CDIN1: variants seen among roughly 807,000 people sequenced by gnomAD.
CDIN1 encodes CDAN1-interacting nuclease 1.
In CDIN1, 33 loss-of-function variants were observed where a neutral mutation model predicts 45.3. The observed-to-expected ratio is 0.73, with a 90% CI of 0.55 to 0.97. The LOEUF is 0.97. Among genes scored for constraint, CDIN1 ranks in the 50% least tolerant of loss-of-function variants. The probability of loss-of-function intolerance (pLI) is 0.00; values close to 1 mark genes in which losing one functional copy is unlikely to be tolerated. For missense variants in CDIN1, 303 were observed against 339.4 expected, an observed-to-expected ratio of 0.89 and a Z score of 0.84; for synonymous variants, 118 against 124.4, an observed-to-expected ratio of 0.95 and a Z score of 0.34.
chr15:36,747,464 G>A (rs1472653281), intron 10 of CDIN1, among the ~76,000 whole-genome samples: 1 of 152,076 alleles, frequency 6.6e-6, no homozygotes, highest in East Asian at 1.9e-4. Context: ...CATTCATAAA[G>A]GTAAGTGTCT....
At chr15:36,745,851 A>C (rs2044404587) in intron 10 of CDIN1, among the ~76,000 whole-genome samples, 1 of 152,104 alleles carries the variant, frequency 6.6e-6, no homozygotes. Context: ...CTGTAATCCC[A>C]GCTACTCGGG....
At position 36,785,198 on chromosome 15, in the gene CDIN1, A is replaced by G. The variant is rs531239488; in HGVS notation, c.717-23126A>G. Among the ~76,000 whole-genome samples the G allele has an allele frequency of 7.9e-5, 12 of 152,358 alleles. No homozygotes were observed. The East Asian group carries it at 1.5e-3, about 20-fold the overall frequency. On this transcript the variant is annotated intron_variant, in intron 10 of 10. Coordinates refer to ENST00000566621, the MANE Select transcript of CDIN1 (RefSeq NM_001321759.2). ...ATTAAGCCAGCCAGGGGAAATATCTATAAGTCAATCACAAAATAGCTAAGG... is the reference window on the plus strand; with the variant it reads ...ATTAAGCCAGCCAGGGGAAATATCTGTAAGTCAATCACAAAATAGCTAAGG...
chr15:36,655,604 C>T (rs564891587), intron 4 of CDIN1, among the ~76,000 whole-genome samples: 3 of 152,142 alleles, frequency 2.0e-5, no homozygotes, highest in Non-Finnish European at 4.4e-5. Flanking sequence ...GGATTACAGG[C>T]GTGAGCCACC....
At chr15:36,713,030 G>A (rs1177621954) in intron 10 of CDIN1, among the ~76,000 whole-genome samples, 1 of 152,080 alleles carries the variant, frequency 6.6e-6, no homozygotes, top group Non-Finnish European at 1.5e-5. Context: ...CTATTACTAA[G>A]TATACTTTTA....
intron 10 of CDIN1, among the ~76,000 whole-genome samples, chr15:36,740,850 T>C (rs1269371233): frequency 1.3e-5 from 2 of 151,716 alleles, no homozygotes; most frequent in African/African-American, 2.4e-5. Flanking sequence ...GATCGCACCA[T>C]TGCTCTCCAG....
chr15:36,633,620 T>C (rs755390133), intron 1 of CDIN1, among the ~76,000 whole-genome samples: 1 of 152,192 alleles, frequency 6.6e-6, no homozygotes, highest in African/African-American at 2.4e-5. Context: ...TGTATTCTTC[T>C]TGAATTTTAA....
chr15:36,758,786 G>A (rs2053678579), intron 10 of CDIN1, among the ~76,000 whole-genome samples: 3 of 152,134 alleles, frequency 2.0e-5, no homozygotes, highest in Admixed American at 2.0e-4. Flanking sequence ...TGACCTTCAT[G>A]TGGAGAAAGA....
At chr15:36,618,162 G>C (rs2038986046) in intron 1 of CDIN1, 1 of 705,074 alleles carries the variant, frequency 1.4e-6, no homozygotes, top group Admixed American at 2.0e-5. Context: ...TCTTATAAAA[G>C]ACATGCTACT....
In CDIN1 at chr15:36,709,231, C is replaced by T; in HGVS notation, c.553C>T (p.Gln185Ter). Reference protein sequence around the residue: ...EKNLSFLDEDQLRAKGYDKTP... With the variant: ...EKNLSFLDED ...GTTTGTTCTTCCTGTAGATGAAGAT[C>T]AGCTTCGTGCAAAGGGTTATGACAA... is the stretch of plus-strand genomic sequence containing the variant. Residue 185 changes from glutamine (Q) to a stop codon, truncating the protein, a stop_gained, in exon 9 of 11, where the codon CAG becomes TAG. Coordinates refer to ENST00000566621, the MANE Select transcript of CDIN1 (RefSeq NM_001321759.2). LOFTEE classifies it high-confidence loss of function. 6.3e-7 allele frequency: 1 copy of T among 1,599,208 alleles called. No individual in the cohort carries two copies. The highest frequency in any genetic ancestry group is 8.5e-7 in the Non-Finnish European group (1 of 1,172,664).
At chr15:36,613,943 A>G in intron 1 of CDIN1, 3 of 1,552,786 alleles carry the variant, frequency 1.9e-6, no homozygotes, top group South Asian at 2.2e-5. Flanking sequence ...CGAGAGATGG[A>G]TGAGCAGATC....
chr15:36,700,929 T>G lies in CDIN1; in HGVS notation c.544+3539T>G, dbSNP rs112110629. On this transcript the variant is annotated intron_variant, in intron 8 of 10. Coordinates refer to ENST00000566621, the MANE Select transcript of CDIN1 (RefSeq NM_001321759.2). ...TCTCTACACAAAATTTTTTAAAATT[T>G]TGTGGTGGTAGGCACCTGTAGTACC... Among the ~76,000 whole-genome samples, 316 of 151,980 alleles carry G rather than the reference T, an allele frequency of 2.1e-3. 1 individual carries two copies. Among genetic ancestry groups the G allele is most frequent in the African/African-American group, 7.0e-3 (291 of 41,460 alleles).
At chr15:36,655,209 C>G (rs956805509) in intron 4 of CDIN1, among the ~76,000 whole-genome samples, 3 of 152,110 alleles carry the variant, frequency 2.0e-5, no homozygotes, top group Non-Finnish European at 4.4e-5. Context: ...AATGTCTACA[C>G]AATCAGATAG....
chr15:36,732,136 G>A (rs984102089), intron 10 of CDIN1, among the ~76,000 whole-genome samples: 2 of 152,112 alleles, frequency 1.3e-5, no homozygotes, highest in Non-Finnish European at 2.9e-5. Context: ...GACTTCCTTT[G>A]CCCCTCTATA....
intron 3 of CDIN1, among the ~76,000 whole-genome samples, chr15:36,647,303 G>A (rs1246031677): frequency 1.3e-5 from 2 of 152,108 alleles, no homozygotes; most frequent in South Asian, 2.1e-4. Flanking sequence ...GGGATTACAC[G>A]CCTGAGCCAC....
intron 10 of CDIN1, among the ~76,000 whole-genome samples, chr15:36,796,196 T>TA (rs2054791158): frequency 1.3e-5 from 2 of 152,228 alleles, no homozygotes; most frequent in Non-Finnish European, 2.9e-5. Context: ...TATTAGATTC[T>TA]ACTGTTGGGT....
chr15:36,750,127 A>G (rs146479153), intron 10 of CDIN1, among the ~76,000 whole-genome samples: 3 of 152,228 alleles, frequency 2.0e-5, no homozygotes, highest in Non-Finnish European at 4.4e-5. Flanking sequence ...GAGGGGAAGA[A>G]GAAACAAATC....
intron 1 of CDIN1, among the ~76,000 whole-genome samples, chr15:36,584,296 G>A (rs920631062): frequency 1.3e-5 from 2 of 152,264 alleles, no homozygotes; most frequent in African/African-American, 4.8e-5. Context: ...TTAGCCAGGT[G>A]TGGTGGTACA....
At chr15:36,792,838 G>C (rs1299485654) in intron 10 of CDIN1, among the ~76,000 whole-genome samples, 2 of 151,984 alleles carry the variant, frequency 1.3e-5, no homozygotes, top group Non-Finnish European at 2.9e-5. Flanking sequence ...GCATCCCATC[G>C]GGCCCACCAA....
chr15:36,601,748 C>G (rs1325329098), intron 1 of CDIN1, among the ~76,000 whole-genome samples: 1 of 152,158 alleles, frequency 6.6e-6, no homozygotes, highest in Non-Finnish European at 1.5e-5. Flanking sequence ...AATTCCTAAC[C>G]GTATGAGTAA....
Sources: gnomAD v4.1 joint callset for allele counts (sites outside exome capture counted in the v4.1 genomes callset) on GRCh38, gnomAD v4.1.1 for gene constraint, MANE v1.5 for transcripts, NCBI Gene and HGNC (gene_info 2026-07-23, HGNC 2026-07-21) for gene names.